The following SIRT6 variants were observed in gnomAD, a reference collection of about 807,000 sequenced individuals.
SIRT6 encodes the protein sirtuin 6, also known as NAD-dependent protein deacylase sirtuin-6.
In SIRT6, 21 loss-of-function variants were observed where a neutral mutation model predicts 33.6. That is an observed-to-expected ratio of 0.62 (90% confidence interval 0.44 to 0.90). The LOEUF is 0.90. Ranked by LOEUF, SIRT6 falls within the 40% of genes least tolerant of loss-of-function variation. The pLI, the probability that SIRT6 is intolerant of heterozygous loss-of-function variation, is 0.00. For synonymous variants in SIRT6, 221 were observed against 223.9 expected, an observed-to-expected ratio of 0.99 and a Z score of 0.12; for missense variants, 504 against 510.6, an observed-to-expected ratio of 0.99 and a Z score of 0.12.
intron 2 of SIRT6, chr19:4,179,577 G>T: frequency 2.2e-6 from 1 of 461,300 alleles, no homozygotes; most frequent in Non-Finnish European, 3.8e-6. Flanking sequence ...AGAGAGAGAT[G>T]AATTCACACG....
Position 4,175,159 on chromosome 19 carries a change from CG to C in SIRT6, c.615-9del. 5 of 1,597,148 alleles carry C rather than the reference CG, an allele frequency of 3.1e-6. No homozygotes were observed. The highest frequency in any genetic ancestry group is 3.4e-6 in the Non-Finnish European group (4 of 1,174,784). ...ATGGACAGGTCGGCGTTCCTGGGGC[CG>C]GGGAGCGTGGGCTGAGCCTGATGCC... is the stretch of plus-strand genomic sequence containing the variant. On this transcript the variant is annotated splice_polypyrimidine_tract_variant and intron_variant, in intron 6 of 7. Coordinates refer to ENST00000337491, the MANE Select transcript of SIRT6 (RefSeq NM_016539.4).
At chr19:4,175,373 A>T in intron 6 of SIRT6, 1 of 669,670 alleles carries the variant, frequency 1.5e-6, no homozygotes, top group Non-Finnish European at 2.5e-6. Flanking sequence ...GGGGAGTATC[A>T]CAGTGTGGTA....
chr19:4,182,306 G>C (rs1599376542), intron 1 of SIRT6, 168 bp downstream of exon 1: 1 of 644,072 alleles, frequency 1.6e-6, no homozygotes, highest in Middle Eastern at 4.4e-4. Context: ...GCGTGTTGGC[G>C]TCCCCCGGCG....
At chr19:4,179,381 G>A in intron 2 of SIRT6, 95 bp from the exon 3 acceptor site, 3 of 1,331,416 alleles carry the variant, frequency 2.3e-6, no homozygotes, top group South Asian at 3.0e-5. Flanking sequence ...AAGTTGGAGA[G>A]AGAGAAAATC....
intron 3 of SIRT6, 74 bp from the exon 4 acceptor site, chr19:4,177,212 A>G (rs1967359634): frequency 6.8e-7 from 1 of 1,467,516 alleles, no homozygotes. Flanking sequence ...GCTGGTGCTA[A>G]GCCCCTCTCC....
At position 4,174,515 on chromosome 19, in the gene SIRT6, C is replaced by T. The variant is rs200799501; in HGVS notation, c.*102G>A. ...CTGGCCTGGAGCACAGCTCTCAGAG[C>T]CCTGAGGCTCCCGGGGACAGAAACA... is the stretch of plus-strand genomic sequence containing the variant. On this transcript the variant is annotated 3_prime_UTR_variant, in exon 8 of 8. Transcript: ENST00000337491. The surrounding 1 kb of genome is among the most constrained non-coding windows in gnomAD (Gnocchi z 4.2). 2.6e-6 allele frequency: 3 copies of T among 1,136,608 alleles called. No individual in the cohort carries two copies. The highest frequency in any genetic ancestry group is 2.0e-5 in the South Asian group (1 of 50,240). 70.4% of individuals were successfully genotyped at this position (1,136,608 alleles called of 1,614,324 possible). A position where few individuals can be genotyped will look rare whatever the true frequency, so the allele number is the denominator to read the frequency against.
intron 1 of SIRT6, 35 bp downstream of exon 1, chr19:4,182,439 G>A (rs1417430214): frequency 2.5e-6 from 4 of 1,595,404 alleles, no homozygotes; most frequent in Non-Finnish European, 3.4e-6. Flanking sequence ...CCGCGGCCCT[G>A]GGGCGCGATG....
chr19:4,180,628 C>A, intron 2 of SIRT6, 154 bp downstream of exon 2: 1 of 934,190 alleles, frequency 1.1e-6, no homozygotes, highest in Non-Finnish European at 1.5e-6. Context: ...ATCCACCATG[C>A]CCAGCCAAGG....
Position 4,176,025 on chromosome 19 carries a change from G to A in SIRT6, c.438-88C>T, listed in dbSNP as rs117541451. On this transcript the variant is annotated intron_variant, in intron 4 of 7. Coordinates refer to ENST00000337491, the MANE Select transcript of SIRT6 (RefSeq NM_016539.4). ...GTTTCTAGGGTGACGTTCTCCCAGG[G>A]AGGTGGGGGGTGGACAGGTGACCAG... 7.5e-4 allele frequency: 905 copies of A among 1,206,598 alleles called. 8 individuals are homozygous for A. In the East Asian group the frequency reaches 0.019, roughly 25 times the overall value. The allele number at this position is 1,206,598 out of a possible 1,614,324, so 74.7% of individuals were successfully genotyped here.
At position 4,179,018 on chromosome 19, in the gene SIRT6, C is replaced by T. The variant is rs535080107; in HGVS notation, c.377+86G>A. 1.9e-5 allele frequency: 29 copies of T among 1,496,006 alleles called. No homozygotes were observed. The East Asian group carries it at 4.7e-4, about 24-fold the overall frequency. The allele number at this position is 1,496,006 out of a possible 1,614,324, so 92.7% of individuals were successfully genotyped here. On this transcript the variant is annotated intron_variant, in intron 3 of 7. Coordinates refer to ENST00000337491, the MANE Select transcript of SIRT6 (RefSeq NM_016539.4). ...ACTCAGGGCTAGAATCTTATAGAAC[C>T]AGGAAAAGGGGACTCTCCCCCTAAA...
chr19:4,180,749 C>T, intron 2 of SIRT6, 33 bp downstream of exon 2: 1 of 1,578,306 alleles, frequency 6.3e-7, no homozygotes. Context: ...GCCTGGTAGG[C>T]CTTGCCTCGA....
intron 4 of SIRT6, among the ~76,000 whole-genome samples, chr19:4,176,461 C>A (rs746970388): frequency 6.6e-6 from 1 of 152,076 alleles, no homozygotes; most frequent in Admixed American, 6.5e-5. Context: ...TGGTGGCGGG[C>A]GCCTGCAGTT....
At chr19:4,176,042 G>A in intron 4 of SIRT6, 105 bp from the exon 5 acceptor site, 1 of 970,856 alleles carries the variant, frequency 1.0e-6, no homozygotes, top group South Asian at 1.5e-5. Flanking sequence ...GGGGTGGACA[G>A]GTGACCAGAA....
rs747543266 is a variant in SIRT6 at position 4,182,465 on chromosome 19, C to G, written c.66+9G>C. 27 of 1,607,834 alleles carry G rather than the reference C, an allele frequency of 1.7e-5. No individual in the cohort carries two copies. Among genetic ancestry groups the G allele is most frequent in the Admixed American group, 1.3e-4 (8 of 59,494 alleles). ...GGGCGCGATGCTCGGGACCCTCAGACGCGCTCACCTCCGGGAGGCCGCACT... is the reference window on the plus strand; with the variant it reads ...GGGCGCGATGCTCGGGACCCTCAGAGGCGCTCACCTCCGGGAGGCCGCACT... On this transcript the variant is annotated intron_variant, in intron 1 of 7. Coordinates refer to ENST00000337491, the MANE Select transcript of SIRT6 (RefSeq NM_016539.4).
rs754013831 is a variant in SIRT6 at position 4,182,552 on chromosome 19, CA to C, written c.-14del. 8.7e-6 allele frequency: 14 copies of C among 1,608,158 alleles called. No homozygotes were observed. Among genetic ancestry groups the C allele is most frequent in the Non-Finnish European group, 1.1e-5 (13 of 1,177,912 alleles). ...AATTCACCGACATCCTCGACTGCCC[CA>C]CGGGAACAATAAAGTTTCCCTTGTT... On this transcript the variant is annotated 5_prime_UTR_variant, in exon 1 of 8. Coordinates refer to ENST00000337491, the MANE Select transcript of SIRT6 (RefSeq NM_016539.4).
chr19:4,175,722 G>T lies in SIRT6; in HGVS notation c.572C>A (p.Ser191Tyr). Residue 191 changes from serine to tyrosine, a missense_variant, in exon 6 of 8, where the codon TCC (serine) becomes TAC (tyrosine). By Grantham distance (144) the Ser-to-Tyr change is moderately radical (BLOSUM62 -2). Transcript: ENST00000337491. ...GAGTGCCAGGTCCCGGTCGGGCAGG[G>T]AGTCCTCCCAGTCTAGGATGGTGTC... Reference protein sequence around the residue: ...LRDTILDWEDSLPDRDLALAD... With the variant: ...LRDTILDWEDYLPDRDLALAD... The T allele has an allele frequency of 6.3e-7, 1 of 1,586,504 alleles. No individual in the cohort carries two copies.
chr19:4,176,956 C>T, intron 4 of SIRT6, 123 bp downstream of exon 4: 1 of 710,838 alleles, frequency 1.4e-6, no homozygotes, highest in Non-Finnish European at 2.3e-6. Flanking sequence ...GAGACACGCC[C>T]CCAGATCCCC....
intron 6 of SIRT6, 121 bp from the exon 7 acceptor site, chr19:4,175,272 C>T: frequency 7.4e-7 from 1 of 1,350,968 alleles, no homozygotes; most frequent in Non-Finnish European, 9.9e-7. Context: ...AGGCCAGCCC[C>T]ACTCCCGAGT....
Position 4,175,677 on chromosome 19 carries a change from G to T in SIRT6, c.614+3C>A. On this transcript the variant is annotated splice_donor_region_variant and intron_variant, in intron 6 of 7. Transcript: ENST00000337491. The stretch of plus-strand genomic sequence containing the variant: ...TGGGCTCCCTGGGGGTGGGGGGTCA[G>T]ACCTGCTGGCCTCATCGGCGAGTGC... 6.5e-7 allele frequency: 1 copy of T among 1,533,738 alleles called. No homozygotes were observed. The highest frequency in any genetic ancestry group is 1.2e-5 in the South Asian group (1 of 80,024).
Sources: gnomAD v4.1 joint callset for allele counts (sites outside exome capture counted in the v4.1 genomes callset) on GRCh38, gnomAD v4.1.1 for gene constraint, Gnocchi (gnomAD v3.1) non-coding constraint, MANE v1.5 for transcripts, NCBI Gene and HGNC (gene_info 2026-07-23, HGNC 2026-07-21) for gene names.